WEE1: variants seen among roughly 807,000 people sequenced by gnomAD.
The protein encoded by WEE1 is WEE1 G2 checkpoint kinase, also known as wee1-like protein kinase.
A neutral mutation model predicts 68.8 loss-of-function variants in WEE1; 16 were observed. The observed-to-expected ratio is 0.23, with a 90% confidence interval of 0.16 to 0.35. The LOEUF is 0.35. WEE1 is among the 10% of genes least tolerant of loss of function. The pLI, the probability that WEE1 is intolerant of heterozygous loss-of-function variation, is 1.00. For missense variants in WEE1, 651 were observed against 824.1 expected (o/e 0.79, Z 2.57); for synonymous variants, 349 against 318.7 (o/e 1.09, Z -1.01).
Position 9,585,544 on chromosome 11 carries a change from C to G in WEE1, c.1470+17C>G. 6.4e-7 allele frequency: 1 copy of G among 1,557,760 alleles called. No homozygotes were observed. ...TTACAGGAGGTAATTTTTCTTCTCCCTTAATCATAGTTTGCTTTGTAACAC... is the reference window on the plus strand; with the variant it reads ...TTACAGGAGGTAATTTTTCTTCTCCGTTAATCATAGTTTGCTTTGTAACAC... On this transcript the variant is annotated intron_variant, in intron 8 of 10. Coordinates refer to ENST00000450114, the MANE Select transcript of WEE1 (RefSeq NM_003390.4).
intron 5 of WEE1, chr11:9,577,591 AAGTTGAAT>A (rs2134342386): frequency 3.0e-6 from 1 of 329,460 alleles, no homozygotes; most frequent in African/African-American, 2.2e-5. Context: ...ATGAAGTGTT[AAGTTGAAT>A]AGATTCTTCC....
At chr11:9,582,816 T>C (rs900144913) in intron 6 of WEE1, among the ~76,000 whole-genome samples, 1 of 152,112 alleles carries the variant, frequency 6.6e-6, no homozygotes, top group African/African-American at 2.4e-5. Flanking sequence ...CTGCCCACCA[T>C]GGCCTCCCAA....
chr11:9,588,303 A>C, intron 10 of WEE1, 146 bp from the exon 11 acceptor site: 2 of 493,004 alleles, frequency 4.1e-6, no homozygotes, highest in Non-Finnish European at 6.8e-6. Flanking sequence ...TTGTTTTAAT[A>C]GAAGCTTCAG....
chr11:9,581,315 G>GA (rs1849625463), intron 5 of WEE1: 5 of 476,962 alleles, frequency 1.0e-5, no homozygotes, highest in Non-Finnish European at 1.8e-5. Context: ...GTGTATGATT[G>GA]AGAGAGAGAC....
rs1284047282 is a variant in WEE1, at chr11:9,576,799, T to C, written c.1019+140T>C. 2 of 867,866 alleles carry C rather than the reference T, an allele frequency of 2.3e-6. No homozygotes were observed. 53.8% of individuals were successfully genotyped at this position (867,866 alleles called of 1,614,324 possible). A position where few individuals can be genotyped will look rare whatever the true frequency, so the allele number is the denominator to read the frequency against. ...ATTTAATCAGGTCCTTTTCACTTAA[T>C]ACCATCAGTTCTTATTGGACTTGTT... On this transcript the variant is annotated intron_variant, in intron 4 of 10. Coordinates refer to ENST00000450114, the MANE Select transcript of WEE1 (RefSeq NM_003390.4). This position sits in a 1 kb window ranked among gnomAD's most constrained non-coding sequence, Gnocchi z 4.3.
At chr11:9,585,958 A>G (rs1849695231) in intron 8 of WEE1, among the ~76,000 whole-genome samples, 1 of 152,268 alleles carries the variant, frequency 6.6e-6, no homozygotes, top group Non-Finnish European at 1.5e-5. Flanking sequence ...AGTATGGCCT[A>G]TAGTTTCAAA....
At position 9,585,184 on chromosome 11, in the gene WEE1, C is replaced by T. The variant is rs1032347866; in HGVS notation, c.1289-74C>T. 39 of 1,147,324 alleles carry T rather than the reference C, an allele frequency of 3.4e-5. No individual in the cohort carries two copies. The African/African-American group carries it at 5.7e-4, about 17-fold the overall frequency. 71.1% of individuals were successfully genotyped at this position (1,147,324 alleles called of 1,614,324 possible). A position where few individuals can be genotyped will look rare whatever the true frequency, so the allele number is the denominator to read the frequency against. ...ATTTTAAAAAGCATTATGGATGATTCTGGTATATGATCTTGTTTATGAACT... is the reference window on the plus strand; with the variant it reads ...ATTTTAAAAAGCATTATGGATGATTTTGGTATATGATCTTGTTTATGAACT... On this transcript the variant is annotated intron_variant, in intron 6 of 10. Coordinates refer to ENST00000450114, the MANE Select transcript of WEE1 (RefSeq NM_003390.4).
intron 5 of WEE1, chr11:9,580,250 G>A (rs1483305114): frequency 3.3e-5 from 5 of 151,730 alleles, no homozygotes; most frequent in Non-Finnish European, 4.4e-5. Flanking sequence ...GTGTGTGTGT[G>A]TGTGTGTGTA....
chr11:9,581,769 C>T, intron 6 of WEE1, 91 bp downstream of exon 6: 1 of 1,304,560 alleles, frequency 7.7e-7, no homozygotes, highest in Non-Finnish European at 1.0e-6. Context: ...TATATATCTT[C>T]TGTTTTCTCA....
chr11:9,575,683 A>G (rs1156614360), intron 1 of WEE1: 3 of 582,440 alleles, frequency 5.2e-6, no homozygotes, highest in South Asian at 2.2e-5. Flanking sequence ...TTACTTGGCT[A>G]TTTTTTTCAA....
At chr11:9,587,829 A>C (rs1185626872) in intron 10 of WEE1, among the ~76,000 whole-genome samples, 1 of 152,152 alleles carries the variant, frequency 6.6e-6, no homozygotes, top group African/African-American at 2.4e-5. Flanking sequence ...AATTATAAGA[A>C]TTGTATATTA....
chr11:9,574,527 G>T lies in WEE1; in HGVS notation c.576+18G>T. On this transcript the variant is annotated intron_variant, in intron 1 of 10. Coordinates refer to ENST00000450114, the MANE Select transcript of WEE1 (RefSeq NM_003390.4). This position sits in a 1 kb window ranked among gnomAD's most constrained non-coding sequence, Gnocchi z 4.9. The stretch of plus-strand genomic sequence containing the variant: ...CGCCCAAGGTGAGAGCGGCGGGCGC[G>T]GGCACCCGGCGGCCGGGGCCGCGGC... 8.3e-7 allele frequency: 1 copy of T among 1,204,448 alleles called. No individual in the cohort carries two copies. The highest frequency in any genetic ancestry group is 1.0e-6 in the Non-Finnish European group (1 of 974,980). The allele number at this position is 1,204,448 out of a possible 1,614,324, so 74.6% of individuals were successfully genotyped here.
Position 9,588,555 on chromosome 11 carries a change from C to T in WEE1, c.1894C>T (p.Leu632Phe), listed in dbSNP as rs1286088425. 1 of 1,610,776 alleles carries T rather than the reference C, an allele frequency of 6.2e-7. No individual in the cohort carries two copies. Among genetic ancestry groups the T allele is most frequent in the East Asian group, 2.2e-5 (1 of 44,580 alleles). The change falls in exon 11 of 11, where the codon CTT becomes TTT. Residue 632 changes from leucine (L) to phenylalanine (F), a missense_variant. Leu to Phe is a conservative substitution (Grantham distance 22, BLOSUM62 0). Coordinates refer to ENST00000450114, the MANE Select transcript of WEE1 (RefSeq NM_003390.4). ...CACCCAGAGTAATAGAACATCTCGA[C>T]TTATTGGAAAGAAAATGAACCGCTC... ...STTQSNRTSR[L>F]IGKKMNRSVS...
At position 9,574,784 on chromosome 11, in the gene WEE1, G is replaced by A; in HGVS notation, c.576+275G>A. On this transcript the variant is annotated intron_variant, in intron 1 of 10. Transcript: ENST00000450114. The surrounding 1 kb of genome is among the most constrained non-coding windows in gnomAD (Gnocchi z 4.9). ...AGGATTTGCCGCCCGTTGAGTCCGGGCCGCCCCGAGCGTGTCAGCCCCGAG... is the reference window on the plus strand; with the variant it reads ...AGGATTTGCCGCCCGTTGAGTCCGGACCGCCCCGAGCGTGTCAGCCCCGAG... 1 of 1,008,224 alleles carries A rather than the reference G, an allele frequency of 9.9e-7. No individual in the cohort carries two copies. Among genetic ancestry groups the A allele is most frequent in the Non-Finnish European group, 1.2e-6 (1 of 845,080 alleles). 62.5% of individuals were successfully genotyped at this position (1,008,224 alleles called of 1,614,324 possible). A position where few individuals can be genotyped will look rare whatever the true frequency, so the allele number is the denominator to read the frequency against.
Position 9,589,616 on chromosome 11 carries a change from A to C in WEE1, c.*1014A>C, listed in dbSNP as rs1286847285. 2.0e-6 allele frequency: 2 copies of C among 985,362 alleles called. No homozygotes were observed. Among genetic ancestry groups the C allele is most frequent in the African/African-American group, 3.5e-5 (2 of 57,098 alleles). The allele number at this position is 985,362 out of a possible 1,614,324, so 61.0% of individuals were successfully genotyped here. Reference sequence around the variant, plus strand: ...TTATCTGTGATTAGCCATTTGACTAATAATACTGGCTAACAGATGTTGAAA... The same window carrying C: ...TTATCTGTGATTAGCCATTTGACTACTAATACTGGCTAACAGATGTTGAAA... On this transcript the variant is annotated 3_prime_UTR_variant, in exon 11 of 11. Transcript: ENST00000450114.
chr11:9,574,365 C>A lies in WEE1; in HGVS notation c.432C>A (p.Gly144=). The change falls in exon 1 of 11, where the codon GGC becomes GGA. Residue 144 remains glycine (G), a synonymous_variant. Coordinates refer to ENST00000450114, the MANE Select transcript of WEE1 (RefSeq NM_003390.4). This position sits in a 1 kb window ranked among gnomAD's most constrained non-coding sequence, Gnocchi z 4.9. Reference sequence around the variant, plus strand: ...GCTCTTTCTCGCCGGTGCGCTGCGGCGGCCCAGGAGATGCGTCGCCGCGGG... The same window carrying A: ...GCTCTTTCTCGCCGGTGCGCTGCGGAGGCCCAGGAGATGCGTCGCCGCGGG... ...LGSSFSPVRC[G]GPGDASPRGC... The A allele has an allele frequency of 1.6e-6, 2 of 1,237,032 alleles. No homozygotes were observed. The highest frequency in any genetic ancestry group is 3.4e-5 in the East Asian group (1 of 29,174). 76.6% of individuals were successfully genotyped at this position (1,237,032 alleles called of 1,614,324 possible). A position where few individuals can be genotyped will look rare whatever the true frequency, so the allele number is the denominator to read the frequency against.
chr11:9,583,761 G>GCGCACA (rs1178398477), intron 6 of WEE1, among the ~76,000 whole-genome samples: 3 of 48,948 alleles, frequency 6.1e-5, no homozygotes, highest in Admixed American at 2.3e-4. Context: ...GCACGCGCGC[G>GCGCACA]CACACACACA....
At chr11:9,584,884 G>A (rs1344405460) in intron 6 of WEE1, among the ~76,000 whole-genome samples, 1 of 152,096 alleles carries the variant, frequency 6.6e-6, no homozygotes, top group Non-Finnish European at 1.5e-5. Flanking sequence ...TGATCAGCCT[G>A]GCCAACATAG....
Position 9,576,663 on chromosome 11 carries a change from T to A in WEE1, c.1019+4T>A. Reference sequence around the variant, plus strand: ...CATTGGCGGGCTCTGTTGATGAGTATGTATTAAACATTTTGTCTTTTGCTC... The same window carrying A: ...CATTGGCGGGCTCTGTTGATGAGTAAGTATTAAACATTTTGTCTTTTGCTC... On this transcript the variant is annotated splice_donor_region_variant and intron_variant, in intron 4 of 10. Coordinates refer to ENST00000450114, the MANE Select transcript of WEE1 (RefSeq NM_003390.4). The surrounding 1 kb of genome is among the most constrained non-coding windows in gnomAD (Gnocchi z 4.3). The A allele has an allele frequency of 6.2e-7, 1 of 1,605,468 alleles. No individual in the cohort carries two copies. The highest frequency in any genetic ancestry group is 8.5e-7 in the Non-Finnish European group (1 of 1,177,664).
Sources: allele counts gnomAD v4.1 joint callset (sites outside exome capture counted in the v4.1 genomes callset), GRCh38; gene constraint gnomAD v4.1.1; non-coding constraint Gnocchi (gnomAD v3.1); transcripts MANE v1.5; gene names NCBI Gene and HGNC (gene_info 2026-07-23, HGNC 2026-07-21).